DNAH17: variants seen among roughly 807,000 people sequenced by gnomAD.
The protein encoded by DNAH17 is axonemal beta dynein heavy chain 17.
Under a neutral mutation model 485.6 loss-of-function variants are expected in DNAH17, and 376 were observed. That is an observed-to-expected ratio of 0.77 (90% CI 0.71 to 0.84). The LOEUF is 0.84. Among genes scored for constraint, DNAH17 ranks in the 40% least tolerant of loss-of-function variants. The pLI, the probability that DNAH17 is intolerant of heterozygous loss-of-function variation, is 0.00. For synonymous variants in DNAH17, 3,031 were observed against 2,405.9 expected (o/e 1.26, Z -7.60); for missense variants, 6,370 against 5,839.3 (o/e 1.09, Z -2.96).
chr17:78,425,400 C>T lies in DNAH17; in HGVS notation c.13087G>A (p.Asp4363Asn). The T allele has an allele frequency of 6.2e-7, 1 of 1,614,014 alleles. No homozygotes were observed. Among genetic ancestry groups the T allele is most frequent in the Non-Finnish European group, 8.5e-7 (1 of 1,179,898 alleles). ...CCCTCTCGCGGAGGAGCGGTCATGT[C>T]CTCTCGGTTTTTCTTGGTCACCTCG... ...SVEVTKKNRE[D>N]MTAPPREGSY... Residue 4363 changes from aspartate to asparagine, a missense_variant, in exon 80 of 81, where the codon GAC becomes AAC. Physicochemically the swap from Asp to Asn is conservative, Grantham distance 23. Transcript: ENST00000389840.
chr17:78,538,920 T>C (rs1041562416), intron 18 of DNAH17, among the ~76,000 whole-genome samples: 7 of 152,066 alleles, frequency 4.6e-5, no homozygotes, highest in Admixed American at 3.9e-4. Flanking sequence ...CTCAAAATCA[T>C]TTAGAAACCA....
At chr17:78,564,471 C>G (rs1054353106) in intron 11 of DNAH17, among the ~76,000 whole-genome samples, 1 of 152,050 alleles carries the variant, frequency 6.6e-6, no homozygotes, top group African/African-American at 2.4e-5. Context: ...TGCCCGCCCG[C>G]CCAGCCCATA....
chr17:78,513,610 A>G (rs2090695529), intron 26 of DNAH17, among the ~76,000 whole-genome samples: 1 of 152,000 alleles, frequency 6.6e-6, no homozygotes, highest in African/African-American at 2.4e-5. Flanking sequence ...TGATTTTTGT[A>G]TTTTTAGCAG....
In DNAH17 at chr17:78,526,657, C is replaced by T. The variant is rs763565625; in HGVS notation, c.3705G>A (p.Leu1235=). Residue 1235 remains leucine (L), a synonymous_variant, in exon 24 of 81, where the codon CTG becomes CTA. Coordinates refer to ENST00000389840, the MANE Select transcript of DNAH17 (RefSeq NM_173628.4). ...SFSDPNPYKS[L]NKQQKSISAM... is the part of the protein sequence containing the mutation. ...CACCCTTGAGCAAAAATACCTTATT[C>T]AGGGACTTGTAGGGGTTGGGGTCGC... The T allele has an allele frequency of 2.5e-6, 4 of 1,602,318 alleles. No individual in the cohort carries two copies. The highest frequency in any genetic ancestry group is 3.4e-6 in the Non-Finnish European group (4 of 1,171,796).
At chr17:78,524,201 G>C (rs1281501234) in intron 25 of DNAH17, among the ~76,000 whole-genome samples, 1 of 152,098 alleles carries the variant, frequency 6.6e-6, no homozygotes, top group Non-Finnish European at 1.5e-5. Flanking sequence ...ACAGTGGCAC[G>C]ATCTTGGCTC....
chr17:78,515,105 C>A lies in DNAH17; in HGVS notation c.3865-83G>T, dbSNP rs1441138672. On this transcript the variant is annotated intron_variant, in intron 25 of 80. Coordinates refer to ENST00000389840, the MANE Select transcript of DNAH17 (RefSeq NM_173628.4). Reference sequence around the variant, plus strand: ...AAACCCTCTTACCTTTCTGCACTTACTCGCAGGGAGCAAAGCCCAGTGAGG... The same window carrying A: ...AAACCCTCTTACCTTTCTGCACTTAATCGCAGGGAGCAAAGCCCAGTGAGG... 3.3e-6 allele frequency: 5 copies of A among 1,519,514 alleles called. No homozygotes were observed. In the African/African-American group the frequency reaches 6.8e-5, roughly 21 times the overall value. The allele number at this position is 1,519,514 out of a possible 1,614,324, so 94.1% of individuals were successfully genotyped here. A position where few individuals can be genotyped will look rare whatever the true frequency, so the allele number is the denominator to read the frequency against.
chr17:78,426,544 G>A lies in DNAH17; in HGVS notation c.12828C>T (p.Asp4276=), dbSNP rs773099524. Residue 4276 remains aspartate (D), a synonymous_variant, in exon 79 of 81, where the codon GAC becomes GAT. Coordinates refer to ENST00000389840, the MANE Select transcript of DNAH17 (RefSeq NM_173628.4). ...GGGCCACCCACGTATCAGGCACGGT[G>A]TCATAGAAGAGAGCCGTGGACAGAT... is the stretch of plus-strand genomic sequence containing the variant. ...VEDLSTALFY[D]TVPDTWVARA... The A allele has an allele frequency of 1.2e-5, 19 of 1,613,670 alleles. No homozygotes were observed. In the African/African-American group the frequency reaches 1.7e-4, roughly 15 times the overall value.
chr17:78,570,481 T>C (rs1340099801), intron 6 of DNAH17, 109 bp from the exon 7 acceptor site: 1 of 1,411,996 alleles, frequency 7.1e-7, no homozygotes, highest in East Asian at 2.6e-5. Context: ...CAGCAGAGGG[T>C]TCCCAAAGAG....
At chr17:78,528,664 C>T (rs932865582) in intron 22 of DNAH17, among the ~76,000 whole-genome samples, 5 of 152,042 alleles carry the variant, frequency 3.3e-5, no homozygotes, top group Non-Finnish European at 5.9e-5. Flanking sequence ...GGGGTCTCCT[C>T]GGTGGCCACA....
intron 18 of DNAH17, 91 bp from the exon 19 acceptor site, chr17:78,537,572 T>C: frequency 2.2e-6 from 3 of 1,384,824 alleles, no homozygotes; most frequent in Non-Finnish European, 3.0e-6. Flanking sequence ...GTACCATCAA[T>C]GTGTCACTGC....
In DNAH17 at chr17:78,572,634, G is replaced by A. The variant is rs8073667; in HGVS notation, c.539+67C>T. The A allele has an allele frequency of 1.1e-5, 15 of 1,362,216 alleles. No homozygotes were observed. In the African/African-American group the frequency reaches 2.1e-4, roughly 19 times the overall value. The allele number at this position is 1,362,216 out of a possible 1,614,324, so 84.4% of individuals were successfully genotyped here. ...GTCGGAGTGGGGTGGAGTGGGGTGG[G>A]GGGTGGGGGTCAAGCATGTGCCTCT... On this transcript the variant is annotated intron_variant, in intron 3 of 80. Coordinates refer to ENST00000389840, the MANE Select transcript of DNAH17 (RefSeq NM_173628.4).
chr17:78,502,447 A>G lies in DNAH17; in HGVS notation c.5190+144T>C, dbSNP rs2090330561. ...TGCGTGGCTGTTATTTGGCCTGTGG[A>G]AACGACGGTTTTGCGGGGCTCAGCC... On this transcript the variant is annotated intron_variant, in intron 33 of 80. Coordinates refer to ENST00000389840, the MANE Select transcript of DNAH17 (RefSeq NM_173628.4). The G allele has an allele frequency of 4.1e-6, 3 of 730,698 alleles. No homozygotes were observed. The Admixed American group carries it at 9.5e-5, about 23-fold the overall frequency. The allele number at this position is 730,698 out of a possible 1,614,324, so 45.3% of individuals were successfully genotyped here.
At chr17:78,493,609 G>A (rs1477163160) in intron 41 of DNAH17, among the ~76,000 whole-genome samples, 1 of 152,236 alleles carries the variant, frequency 6.6e-6, no homozygotes. Context: ...GGTCCAGCCT[G>A]TGGGCCTCTG....
chr17:78,559,760 G>A (rs948396900), intron 13 of DNAH17, among the ~76,000 whole-genome samples: 4 of 152,136 alleles, frequency 2.6e-5, no homozygotes, highest in Non-Finnish European at 4.4e-5. Context: ...GTGGTCCATG[G>A]GGCCCTTCCT....
chr17:78,462,283 C>T (rs1277828653), intron 57 of DNAH17, among the ~76,000 whole-genome samples: 3 of 150,926 alleles, frequency 2.0e-5, no homozygotes, highest in Non-Finnish European at 3.0e-5. Flanking sequence ...GGCAGGGGTG[C>T]GAAAGCTCCC....
At chr17:78,525,625 C>T (rs192698736) in intron 24 of DNAH17, among the ~76,000 whole-genome samples, 442 of 152,334 alleles carry the variant, frequency 2.9e-3, no homozygotes, top group Non-Finnish European at 3.7e-3. Context: ...GGTGTGTTTG[C>T]GTGGACACGT....
rs199652603 is a variant in DNAH17, at chr17:78,465,089, C to T, written c.8940+1566G>A. ...CCCAGTGCCTGCGATTGCAGGCTCG[C>T]GCCGCCACGCCTGACTGGTTTTGGT... On this transcript the variant is annotated intron_variant, in intron 56 of 80. Coordinates refer to ENST00000389840, the MANE Select transcript of DNAH17 (RefSeq NM_173628.4). Among the ~76,000 whole-genome samples, 125 of 152,272 alleles carry T rather than the reference C, an allele frequency of 8.2e-4. 1 individual carries two copies. The East Asian group carries it at 0.021, about 26-fold the overall frequency.
At chr17:78,466,947 A>T in intron 55 of DNAH17, 131 bp from the exon 56 acceptor site, 1 of 934,576 alleles carries the variant, frequency 1.1e-6, no homozygotes, top group Non-Finnish European at 1.5e-6. Flanking sequence ...CCTGGGCAGC[A>T]CAGTCCTGGT....
At chr17:78,444,841 C>T (rs372357258) in intron 70 of DNAH17, 44 bp from the exon 71 acceptor site, 18 of 1,523,994 alleles carry the variant, frequency 1.2e-5, no homozygotes, top group South Asian at 3.9e-5. Flanking sequence ...CCCACTTACC[C>T]GGGTCCCGAG....
Sources: gnomAD v4.1 joint callset for allele counts (sites outside exome capture counted in the v4.1 genomes callset) on GRCh38, gnomAD v4.1.1 for gene constraint, MANE v1.5 for transcripts, NCBI Gene and HGNC (gene_info 2026-07-23, HGNC 2026-07-21) for gene names.